The following MYT1L variants were observed in gnomAD, a reference collection of about 807,000 sequenced individuals.
MYT1L encodes myelin transcription factor 1 like.
In MYT1L, 12 loss-of-function variants were observed where a neutral mutation model predicts 126.7. The ratio of observed to expected loss-of-function variants is 0.09; its 90% CI spans 0.06 to 0.15. MYT1L has a LOEUF of 0.15. MYT1L is among the 10% of genes least tolerant of loss of function. MYT1L has a pLI of 1.00. For missense variants in MYT1L, 979 were observed against 1,585.2 expected, an observed-to-expected ratio of 0.62 and a Z score of 6.49; for synonymous variants, 541 against 604.2, an observed-to-expected ratio of 0.90 and a Z score of 1.53.
chr2:1,805,574 G>C (rs2035566706), intron 22 of MYT1L, among the ~76,000 whole-genome samples: 1 of 152,106 alleles, frequency 6.6e-6, no homozygotes. Context: ...GGGCAACATA[G>C]TCAGACCTCA....
intron 21 of MYT1L, chr2:1,828,651 G>A (rs1332599235): frequency 6.6e-6 from 1 of 152,198 alleles, no homozygotes; most frequent in Non-Finnish European, 1.5e-5. Context: ...TAAATGAGAT[G>A]ACTGATTTAA....
At chr2:2,149,702 C>G (rs889042932) in intron 3 of MYT1L, among the ~76,000 whole-genome samples, 4 of 152,192 alleles carry the variant, frequency 2.6e-5, no homozygotes. Context: ...CATTGTTACC[C>G]TCATTTGCAG....
At chr2:1,843,730 G>A (rs988503429) in intron 19 of MYT1L, among the ~76,000 whole-genome samples, 5 of 152,152 alleles carry the variant, frequency 3.3e-5, no homozygotes, top group South Asian at 4.1e-4. Context: ...GGGGGAAGCC[G>A]AGCCCCTGAC....
intron 1 of MYT1L, among the ~76,000 whole-genome samples, chr2:2,287,763 G>A (rs1415242765): frequency 1.3e-5 from 2 of 152,190 alleles, no homozygotes; most frequent in Non-Finnish European, 2.9e-5. Context: ...CAAAGTTGTA[G>A]TTATTTCTGT....
At chr2:2,162,261 G>C (rs1234528563) in intron 3 of MYT1L, among the ~76,000 whole-genome samples, 2 of 152,196 alleles carry the variant, frequency 1.3e-5, no homozygotes, top group Non-Finnish European at 2.9e-5. Flanking sequence ...GCGGTCCACA[G>C]AGAAGGTCAG....
chr2:1,913,162 C>A (rs2052309708), intron 11 of MYT1L, among the ~76,000 whole-genome samples: 1 of 152,340 alleles, frequency 6.6e-6, no homozygotes, highest in South Asian at 2.1e-4. Context: ...CTTTCCCCTG[C>A]AGTCTGCTGG....
chr2:1,933,811 A>G (rs1383879699), intron 9 of MYT1L, among the ~76,000 whole-genome samples: 1 of 152,164 alleles, frequency 6.6e-6, no homozygotes, highest in African/African-American at 2.4e-5. Flanking sequence ...GCCAACCCAC[A>G]TGCGATTGGT....
chr2:2,111,868 T>C (rs1418279792), intron 3 of MYT1L, among the ~76,000 whole-genome samples: 2 of 152,228 alleles, frequency 1.3e-5, no homozygotes, highest in South Asian at 2.1e-4. Context: ...GTCTCCTCCA[T>C]TGGCTGCCAT....
chr2:1,941,308 C>A (rs2056616809), intron 9 of MYT1L, among the ~76,000 whole-genome samples: 1 of 152,198 alleles, frequency 6.6e-6, no homozygotes, highest in Admixed American at 6.5e-5. Flanking sequence ...CTCCTGCTTT[C>A]CAAACGGGTG....
chr2:2,237,763 T>C (rs2094353630), intron 2 of MYT1L, among the ~76,000 whole-genome samples: 1 of 152,122 alleles, frequency 6.6e-6, no homozygotes, highest in Non-Finnish European at 1.5e-5. Flanking sequence ...AAGTCATTGC[T>C]CAGGGTCACG....
intron 3 of MYT1L, among the ~76,000 whole-genome samples, chr2:2,142,151 G>T (rs954842551): frequency 2.2e-4 from 34 of 151,764 alleles, no homozygotes; most frequent in African/African-American, 8.0e-4. Context: ...CCCCTTTCTC[G>T]CCTGTTTGAG....
intron 5 of MYT1L, among the ~76,000 whole-genome samples, chr2:1,983,340 C>A (rs2060748686): frequency 6.6e-6 from 1 of 152,208 alleles, no homozygotes; most frequent in Non-Finnish European, 1.5e-5. Context: ...GATGGGGTTC[C>A]CCTTTCTTTC....
chr2:2,229,462 G>C (rs1340329040), intron 2 of MYT1L, among the ~76,000 whole-genome samples: 1 of 151,664 alleles, frequency 6.6e-6, no homozygotes, highest in Non-Finnish European at 1.5e-5. Flanking sequence ...TTTGTGTGTG[G>C]ATACAGTCTC....
chr2:2,301,453 T>TCAG (rs1263163906), intron 1 of MYT1L, among the ~76,000 whole-genome samples: 2 of 152,184 alleles, frequency 1.3e-5, no homozygotes, highest in African/African-American at 4.8e-5. Flanking sequence ...GGCACTGCCC[T>TCAG]CAGCATTTCG....
At chr2:2,325,104 T>C (rs2096228718) in intron 1 of MYT1L, 1 of 152,452 alleles carries the variant, frequency 6.6e-6, no homozygotes, top group African/African-American at 2.4e-5. Flanking sequence ...TATCTAAAAA[T>C]ATCTCTCGTA....
intron 8 of MYT1L, among the ~76,000 whole-genome samples, chr2:1,969,687 A>G (rs2059661265): frequency 6.6e-6 from 1 of 152,150 alleles, no homozygotes; most frequent in South Asian, 2.1e-4. Context: ...GGTTGTTGGT[A>G]TCTCTGTAAA....
intron 4 of MYT1L, among the ~76,000 whole-genome samples, chr2:2,007,048 T>C (rs1251099511): frequency 3.3e-5 from 5 of 151,288 alleles, no homozygotes; most frequent in Non-Finnish European, 7.4e-5. Flanking sequence ...ATTGAAGATA[T>C]ATATATATAT....
At chr2:1,965,732 C>T (rs571539163) in intron 8 of MYT1L, among the ~76,000 whole-genome samples, 18 of 152,326 alleles carry the variant, frequency 1.2e-4, no homozygotes, top group Middle Eastern at 3.4e-3. Context: ...CAAGGCCTCA[C>T]GAATGCATGT....
chr2:2,004,432 T>TGCGTTCTTTCCTGCAG (rs1558699802), intron 4 of MYT1L, among the ~76,000 whole-genome samples: 3 of 132,406 alleles, frequency 2.3e-5, no homozygotes, highest in Admixed American at 1.5e-4. Flanking sequence ...CTTTCCTGCA[T>TGCGTTCTTTCCTGCAG]GCGTTCTTTC....
Sources: allele counts gnomAD v4.1 joint callset (sites outside exome capture counted in the v4.1 genomes callset), GRCh38; gene constraint gnomAD v4.1.1; transcripts MANE v1.5; gene names NCBI Gene and HGNC (gene_info 2026-07-23, HGNC 2026-07-21).